ZEB2: variants seen among roughly 807,000 people sequenced by gnomAD.
ZEB2 encodes the protein zinc finger E-box-binding homeobox 2.
ZEB2 carries 6 observed loss-of-function variants against 99.9 expected under a neutral mutation model. That is an observed-to-expected ratio of 0.06 (90% CI 0.03 to 0.12). The LOEUF is 0.12. Among genes scored for constraint, ZEB2 ranks in the 10% least tolerant of loss-of-function variants. The probability of loss-of-function intolerance (pLI) is 1.00; values close to 1 mark genes in which losing one functional copy is unlikely to be tolerated. For missense variants in ZEB2, 969 were observed against 1,502.8 expected (o/e 0.64, Z 5.87); for synonymous variants, 517 against 542.5 (o/e 0.95, Z 0.65).
chr2:144,426,021 C>T (rs1703686780), intron 3 of ZEB2, among the ~76,000 whole-genome samples: 1 of 152,038 alleles, frequency 6.6e-6, no homozygotes, highest in African/African-American at 2.4e-5. Context: ...ACAAGCAGTG[C>T]AGCAAATCTC....
intron 2 of ZEB2, among the ~76,000 whole-genome samples, chr2:144,506,526 G>A (rs1474713957): frequency 6.6e-6 from 1 of 152,120 alleles, no homozygotes; most frequent in Non-Finnish European, 1.5e-5. Context: ...TGTGCATGGT[G>A]TCTAAAATAG....
Position 144,389,633 on chromosome 2 carries a change from C to A in ZEB2, c.3463G>T (p.Asp1155Tyr), listed in dbSNP as rs761202423. 2 of 1,614,124 alleles carry A rather than the reference C, an allele frequency of 1.2e-6. No homozygotes were observed. Among genetic ancestry groups the A allele is most frequent in the Non-Finnish European group, 1.7e-6 (2 of 1,180,036 alleles). The change falls in exon 10 of 10, where the codon GAT (aspartate) becomes TAT (tyrosine). Residue 1155 changes from aspartate (D) to tyrosine (Y), a missense_variant. By Grantham distance (160) the Asp-to-Tyr change is radical. Around this residue, in one of 8 missense-constraint regions of ZEB2, gnomAD observed 121 missense variants for 166.4 expected, o/e 0.73. Transcript: ENST00000627532. This position sits in a 1 kb window ranked among gnomAD's most constrained non-coding sequence, Gnocchi z 6.8. ...EDGYGKLGRQ[D>Y]GDEEFEEEEE... ...TCCTCCTCGAACTCCTCGTCGCCAT[C>A]CTGTCTGCCCAGCTTCCCGTAGCCA...
intron 2 of ZEB2, among the ~76,000 whole-genome samples, chr2:144,487,557 C>A (rs1704616284): frequency 1.3e-5 from 2 of 152,088 alleles, no homozygotes; most frequent in South Asian, 4.1e-4. Flanking sequence ...TAAAAGGAAT[C>A]CACTAAAAAT....
intron 2 of ZEB2, among the ~76,000 whole-genome samples, chr2:144,452,440 T>C (rs1191955818): frequency 6.6e-6 from 1 of 152,126 alleles, no homozygotes; most frequent in East Asian, 1.9e-4. Flanking sequence ...AGCACAGATA[T>C]TATAGATAAA....
chr2:144,451,270 C>G (rs1704051163), intron 2 of ZEB2, among the ~76,000 whole-genome samples: 1 of 152,180 alleles, frequency 6.6e-6, no homozygotes, highest in South Asian at 2.1e-4. Flanking sequence ...AAAAGTCTAT[C>G]TCCATTCCTG....
At chr2:144,435,546 C>T (rs1703825980) in intron 2 of ZEB2, among the ~76,000 whole-genome samples, 1 of 149,786 alleles carries the variant, frequency 6.7e-6, no homozygotes, top group Non-Finnish European at 1.5e-5. Context: ...CTGTAGTGAG[C>T]TATGATCACA....
chr2:144,414,521 G>A (rs1478681053), intron 4 of ZEB2, among the ~76,000 whole-genome samples: 1 of 152,030 alleles, frequency 6.6e-6, no homozygotes, highest in Non-Finnish European at 1.5e-5. Context: ...GTGCGGTCCA[G>A]TAATTTTTTT....
intron 4 of ZEB2, among the ~76,000 whole-genome samples, chr2:144,413,050 G>A (rs905419688): frequency 5.3e-5 from 8 of 152,186 alleles, no homozygotes; most frequent in Non-Finnish European, 1.2e-4. Flanking sequence ...GAGCCAGGGT[G>A]TGCTTTCTGG....
In ZEB2 at chr2:144,397,690, G is replaced by A. The variant is rs146024675; in HGVS notation, c.2886+611C>T. 7.0e-3 allele frequency: 1,108 copies of A among 157,698 alleles called. 12 individuals carry two copies. The highest frequency in any genetic ancestry group is 0.025 in the African/African-American group (1,055 of 41,556). The allele number at this position is 157,698 out of a possible 1,614,324, so 9.8% of individuals were successfully genotyped here. ...GAGTCTTGCTCTGTCTCTCAGGCTG[G>A]AGTGCTGTGGCACGATCTCTGCTCA... On this transcript the variant is annotated intron_variant, in intron 8 of 9. Coordinates refer to ENST00000627532, the MANE Select transcript of ZEB2 (RefSeq NM_014795.4).
chr2:144,431,640 T>C (rs1703771001), intron 2 of ZEB2, among the ~76,000 whole-genome samples: 1 of 151,784 alleles, frequency 6.6e-6, no homozygotes, highest in South Asian at 2.1e-4. Context: ...CTTAGGCAAG[T>C]TCAGGCTGGG....
chr2:144,400,325 A>G, intron 7 of ZEB2, 55 bp from the exon 8 acceptor site: 1 of 1,570,568 alleles, frequency 6.4e-7, no homozygotes, highest in Non-Finnish European at 8.6e-7. Flanking sequence ...AACAATTGCA[A>G]TTGTCTACCA....
At chr2:144,441,712 C>A (rs1703920770) in intron 2 of ZEB2, among the ~76,000 whole-genome samples, 1 of 152,052 alleles carries the variant, frequency 6.6e-6, no homozygotes. Context: ...TTAGACTAAG[C>A]CACCTTTTTC....
At chr2:144,453,916 A>G (rs1704086591) in intron 2 of ZEB2, among the ~76,000 whole-genome samples, 1 of 152,238 alleles carries the variant, frequency 6.6e-6, no homozygotes, top group Non-Finnish European at 1.5e-5. Context: ...TGCTCATAAT[A>G]GTGGTGACAT....
intron 2 of ZEB2, among the ~76,000 whole-genome samples, chr2:144,471,367 G>T (rs943691371): frequency 4.6e-5 from 7 of 152,050 alleles, no homozygotes; most frequent in African/African-American, 1.7e-4. Context: ...GTGTCAGAGG[G>T]CCCTCAATCA....
intron 2 of ZEB2, among the ~76,000 whole-genome samples, chr2:144,436,748 C>G (rs1209865703): frequency 6.6e-6 from 1 of 152,090 alleles, no homozygotes; most frequent in Non-Finnish European, 1.5e-5. Flanking sequence ...TTTTCCCCTC[C>G]AAACCTCTTC....
chr2:144,408,576 G>A (rs894841640), intron 4 of ZEB2, among the ~76,000 whole-genome samples: 1 of 152,194 alleles, frequency 6.6e-6, no homozygotes, highest in Non-Finnish European at 1.5e-5. Context: ...AAGTGGGCTA[G>A]AGTTAAACCT....
Sources: gnomAD v4.1 joint callset for allele counts (sites outside exome capture counted in the v4.1 genomes callset) on GRCh38, gnomAD v4.1.1 for gene constraint, gnomAD v4.1.1 regional missense constraint, Gnocchi (gnomAD v3.1) non-coding constraint, MANE v1.5 for transcripts, NCBI Gene and HGNC (gene_info 2026-07-23, HGNC 2026-07-21) for gene names.